The following FAM149A variants were observed in gnomAD, a reference collection of about 807,000 sequenced individuals.
FAM149A encodes the protein family with sequence similarity 149 member A.
In FAM149A, 71 loss-of-function variants were observed where a neutral mutation model predicts 78.2. That is an observed-to-expected ratio of 0.91 (90% CI 0.75 to 1.11). The LOEUF (loss-of-function observed/expected upper bound fraction) is 1.11. Among genes scored for constraint, FAM149A ranks in the 50% least tolerant of loss-of-function variants. The pLI, the probability that FAM149A is intolerant of heterozygous loss-of-function variation, is 0.00. For missense variants in FAM149A, 1,036 were observed against 971.0 expected, an observed-to-expected ratio of 1.07 and a Z score of -0.89; for synonymous variants, 446 against 410.5, an observed-to-expected ratio of 1.09 and a Z score of -1.04.
chr4:186,155,130 T>G (rs560901849), intron 6 of FAM149A, among the ~76,000 whole-genome samples: 19 of 152,062 alleles, frequency 1.2e-4, no homozygotes, highest in Non-Finnish European at 2.5e-4. Context: ...GCCCGGATAA[T>G]TTTTTGAATT....
In FAM149A at chr4:186,154,447, GA is replaced by G. The variant is rs1733869269; in HGVS notation, c.1059-19del. On this transcript the variant is annotated intron_variant, in intron 5 of 13. Coordinates refer to ENST00000389354, the MANE Select transcript of FAM149A (RefSeq NM_001367768.3). ...TTGGTGTTCTATAAACTCCCATGTA[GA>G]ATCTGTTTTTTTCCCATAGGTTGTG... 3 of 1,592,974 alleles carry G rather than the reference GA, an allele frequency of 1.9e-6. No individual in the cohort carries two copies. Among genetic ancestry groups the G allele is most frequent in the Non-Finnish European group, 2.6e-6 (3 of 1,167,610 alleles).
chr4:186,167,405 C>T (rs781301459), intron 13 of FAM149A, 143 bp downstream of exon 13: 1 of 780,806 alleles, frequency 1.3e-6, no homozygotes, highest in Admixed American at 1.9e-5. Flanking sequence ...GTGGCCTGAC[C>T]TCAGAAACCT....
At chr4:186,134,512 A>T (rs910918754) in intron 1 of FAM149A, among the ~76,000 whole-genome samples, 1 of 152,168 alleles carries the variant, frequency 6.6e-6, no homozygotes, top group Non-Finnish European at 1.5e-5. Flanking sequence ...AGCTTTGGTC[A>T]GCTGAGAGCC....
intron 1 of FAM149A, chr4:186,110,013 T>C (rs1340192261): frequency 2.0e-6 from 2 of 985,096 alleles, no homozygotes; most frequent in East Asian, 1.1e-4. Flanking sequence ...TCACAAATCA[T>C]ACATTTGTGT....
chr4:186,162,441 G>A (rs925013361), intron 8 of FAM149A, among the ~76,000 whole-genome samples: 4 of 152,158 alleles, frequency 2.6e-5, no homozygotes, highest in African/African-American at 4.8e-5. Flanking sequence ...GACCACACCA[G>A]TGCTCCCTTG....
chr4:186,110,587 T>C (rs1482340261), intron 1 of FAM149A, among the ~76,000 whole-genome samples: 4 of 126,012 alleles, frequency 3.2e-5, no homozygotes, highest in Non-Finnish European at 3.3e-5. Flanking sequence ...ATATTCCCCT[T>C]CCTGTGTCCA....
chr4:186,143,405 CAT>C (rs796322711), intron 1 of FAM149A, among the ~76,000 whole-genome samples: 15 of 151,464 alleles, frequency 9.9e-5, no homozygotes, highest in African/African-American at 1.9e-4. Flanking sequence ...TATGTATACA[CAT>C]ACACACACAT....
intron 1 of FAM149A, among the ~76,000 whole-genome samples, chr4:186,113,847 G>T (rs2099312334): frequency 6.6e-6 from 1 of 151,654 alleles, no homozygotes; most frequent in South Asian, 2.1e-4. Context: ...GTGTGGTGTG[G>T]TGCTGAAAAA....
chr4:186,159,784 G>A (rs1402522826), intron 8 of FAM149A, among the ~76,000 whole-genome samples: 1 of 152,050 alleles, frequency 6.6e-6, no homozygotes, highest in East Asian at 1.9e-4. Flanking sequence ...GAGGCCTGTA[G>A]TGGTGCCAAG....
intron 8 of FAM149A, among the ~76,000 whole-genome samples, chr4:186,160,493 TACAA>T (rs1173218419): frequency 1.6e-5 from 2 of 125,540 alleles, no homozygotes; most frequent in African/African-American, 3.1e-5. Context: ...CCACACACTA[TACAA>T]ACACATACCA....
At chr4:186,121,646 A>G (rs1220596002) in intron 1 of FAM149A, among the ~76,000 whole-genome samples, 1 of 152,174 alleles carries the variant, frequency 6.6e-6, no homozygotes, top group Non-Finnish European at 1.5e-5. Flanking sequence ...ATTCTGACGC[A>G]CACAAACTTA....
At chr4:186,113,767 TATA>T (rs1168797915) in intron 1 of FAM149A, among the ~76,000 whole-genome samples, 1 of 151,462 alleles carries the variant, frequency 6.6e-6, no homozygotes, top group Non-Finnish European at 1.5e-5. Context: ...GATAGTTTGT[TATA>T]ATCTCTGTTC....
intron 1 of FAM149A, chr4:186,116,462 C>T: frequency 1.0e-6 from 1 of 984,974 alleles, no homozygotes; most frequent in Non-Finnish European, 1.2e-6. Flanking sequence ...CCATTACTGT[C>T]ATTAAAGATA....
At chr4:186,142,932 T>C (rs577220898) in intron 1 of FAM149A, among the ~76,000 whole-genome samples, 2 of 152,222 alleles carry the variant, frequency 1.3e-5, no homozygotes, top group African/African-American at 2.4e-5. Context: ...GTAATAGATA[T>C]CTGGGACACA....
intron 1 of FAM149A, chr4:186,132,243 C>T: frequency 1.0e-6 from 1 of 982,558 alleles, no homozygotes; most frequent in Non-Finnish European, 1.2e-6. Context: ...TGTCATGAGA[C>T]AAAATTACAG....
In FAM149A at chr4:186,154,463, C is replaced by T; in HGVS notation, c.1059-5C>T. On this transcript the variant is annotated splice_polypyrimidine_tract_variant and splice_region_variant and intron_variant, in intron 5 of 13. Coordinates refer to ENST00000389354, the MANE Select transcript of FAM149A (RefSeq NM_001367768.3). ...TCCCATGTAGAATCTGTTTTTTTCC[C>T]ATAGGTTGTGCATTTCTGGCTCTCA... 6.2e-7 allele frequency: 1 copy of T among 1,603,764 alleles called. No individual in the cohort carries two copies. Among genetic ancestry groups the T allele is most frequent in the South Asian group, 1.1e-5 (1 of 89,346 alleles).
chr4:186,121,095 C>T (rs1261334125), intron 1 of FAM149A, among the ~76,000 whole-genome samples: 1 of 151,844 alleles, frequency 6.6e-6, no homozygotes, highest in Non-Finnish European at 1.5e-5. Flanking sequence ...TTTTTCAACT[C>T]TTTTCCAGTT....
chr4:186,105,592 T>C lies in FAM149A; in HGVS notation c.516T>C (p.Pro172=). The change falls in exon 1 of 14, where the codon CCT becomes CCC. Residue 172 remains proline (P), a synonymous_variant. Coordinates refer to ENST00000389354, the MANE Select transcript of FAM149A (RefSeq NM_001367768.3). ...CCAGAACCCTGTTCCTTACGCTGCC[T>C]GACATCGGCGAGGAGGGGGCCTCGG... 2 of 1,056,530 alleles carry C rather than the reference T, an allele frequency of 1.9e-6. No homozygotes were observed. The highest frequency in any genetic ancestry group is 1.1e-4 in the East Asian group (1 of 8,994). 65.4% of individuals were successfully genotyped at this position (1,056,530 alleles called of 1,614,324 possible).
At chr4:186,126,249 C>T (rs373108379) in intron 1 of FAM149A, among the ~76,000 whole-genome samples, 47 of 152,280 alleles carry the variant, frequency 3.1e-4, no homozygotes, top group African/African-American at 9.6e-4. Context: ...CACATCTTCC[C>T]GAGATGCCCC....
Sources: gnomAD v4.1 joint callset for allele counts (sites outside exome capture counted in the v4.1 genomes callset) on GRCh38, gnomAD v4.1.1 for gene constraint, MANE v1.5 for transcripts, NCBI Gene and HGNC (gene_info 2026-07-23, HGNC 2026-07-21) for gene names.